The following DCHS2 variants were observed in gnomAD, a reference collection of about 807,000 sequenced individuals.
The protein encoded by DCHS2 is dachsous cadherin-related 2, also known as protocadherin-23.
Under a neutral mutation model 182.4 loss-of-function variants are expected in DCHS2, and 142 were observed. That is an observed-to-expected ratio of 0.78 (90% CI 0.68 to 0.89). DCHS2 has a LOEUF of 0.89. DCHS2 is among the 40% of genes least tolerant of loss of function. DCHS2 has a pLI of 0.00. For synonymous variants in DCHS2, 1,740 were observed against 1,663.3 expected (o/e 1.05, Z -1.12); for missense variants, 4,319 against 4,198.6 (o/e 1.03, Z -0.79).
At position 154,332,532 on chromosome 4, in the gene DCHS2, G is replaced by A. The variant is rs141064025; in HGVS notation, c.3676C>T (p.Leu1226=). ...CCATCAGACAAAAGGAAATATAATA[G>A]CTGTCCATTCTTTCCAGAGTCCATG... ...IDMDSGKNGQ[L]LYFLLSDGKF... is the part of the protein sequence containing the mutation. The change falls in exon 5 of 20, where the codon CTA becomes TTA. Residue 1226 remains leucine (L), a synonymous_variant. Transcript: ENST00000357232. 1.0e-3 allele frequency: 1,693 copies of A among 1,614,092 alleles called. 18 individuals carry two copies. In the African/African-American group the frequency reaches 0.021, roughly 20 times the overall value.
At chr4:154,377,579 A>C in intron 1 of DCHS2, 135 bp from the exon 2 acceptor site, 2 of 614,198 alleles carry the variant, frequency 3.3e-6, no homozygotes, top group Admixed American at 3.4e-5. Context: ...TTGGTTTCAT[A>C]TCTCTCTCCT....
intron 3 of DCHS2, among the ~76,000 whole-genome samples, chr4:154,361,579 A>C (rs1730124328): frequency 6.6e-6 from 1 of 152,126 alleles, no homozygotes; most frequent in South Asian, 2.1e-4. Flanking sequence ...CACATCAAAG[A>C]AAGCCAGTGA....
chr4:154,343,794 AG>A (rs1184564653), intron 3 of DCHS2: 3 of 838,428 alleles, frequency 3.6e-6, no homozygotes, highest in Admixed American at 4.2e-5. Flanking sequence ...TGTTCACTGG[AG>A]TATACTTTTA....
rs769331415 is a variant in DCHS2 at position 154,344,739 on chromosome 4, G to T, written c.2477-9635C>A. On this transcript the variant is annotated intron_variant, in intron 3 of 19. Coordinates refer to ENST00000357232, the MANE Select transcript of DCHS2 (RefSeq NM_001358235.2). ...TGTCTTGGAGCCCTGAGGCGGTGCC[G>T]CAGGGCTAGCGTCCACAGTTCCGAG... 3.3e-5 allele frequency among the ~76,000 whole-genome samples: 5 copies of T among 152,152 alleles called. No homozygotes were observed. In the East Asian group the frequency reaches 5.8e-4, roughly 18 times the overall value.
chr4:154,353,824 A>C (rs1729731803), intron 3 of DCHS2, among the ~76,000 whole-genome samples: 1 of 152,242 alleles, frequency 6.6e-6, no homozygotes, highest in African/African-American at 2.4e-5. Flanking sequence ...GCGATTAGCC[A>C]GACATTCTGA....
intron 1 of DCHS2, among the ~76,000 whole-genome samples, chr4:154,463,163 G>A (rs201173065): frequency 5.8e-4 from 45 of 77,764 alleles, no homozygotes; most frequent in African/African-American, 1.6e-3. Flanking sequence ...ATAAGTGTGT[G>A]TATATATATA....
rs964910222 is a variant in DCHS2 at position 154,491,501 on chromosome 4, G to A, written c.-146C>T. 59 of 1,402,518 alleles carry A rather than the reference G, an allele frequency of 4.2e-5. No individual in the cohort carries two copies. Among genetic ancestry groups the A allele is most frequent in the Non-Finnish European group, 4.9e-5 (53 of 1,084,472 alleles). The allele number at this position is 1,402,518 out of a possible 1,614,324, so 86.9% of individuals were successfully genotyped here. A position where few individuals can be genotyped will look rare whatever the true frequency, so the allele number is the denominator to read the frequency against. ...AAACCGACGGCCCAGGAATTCCCGA[G>A]GTTACATCTGCAACTGGTGAAAGCG... On this transcript the variant is annotated 5_prime_UTR_variant, in exon 1 of 20. Coordinates refer to ENST00000357232, the MANE Select transcript of DCHS2 (RefSeq NM_001358235.2).
chr4:154,239,973 A>G (rs981901826), intron 18 of DCHS2, among the ~76,000 whole-genome samples: 3 of 152,160 alleles, frequency 2.0e-5, no homozygotes, highest in African/African-American at 7.2e-5. Flanking sequence ...GGGGATCATT[A>G]CTTAGGTTAC....
intron 1 of DCHS2, among the ~76,000 whole-genome samples, chr4:154,460,389 T>C (rs6819092): frequency 0.019 from 2,897 of 152,282 alleles, 81 homozygotes; most frequent in African/African-American, 0.064. Flanking sequence ...GTAAACCTCC[T>C]TAATATCACA....
intron 1 of DCHS2, among the ~76,000 whole-genome samples, chr4:154,405,229 C>A (rs1732351191): frequency 6.6e-6 from 1 of 151,968 alleles, no homozygotes; most frequent in Non-Finnish European, 1.5e-5. Context: ...CCATCCTGGG[C>A]AACAGAGCAA....
At chr4:154,373,885 A>G in intron 2 of DCHS2, 1 of 1,564,772 alleles carries the variant, frequency 6.4e-7, no homozygotes, top group Non-Finnish European at 8.7e-7. Context: ...CCAGATGTTA[A>G]AAGACTCAGA....
At chr4:154,399,615 T>A (rs988190520) in intron 1 of DCHS2, among the ~76,000 whole-genome samples, 2 of 152,144 alleles carry the variant, frequency 1.3e-5, no homozygotes, top group East Asian at 3.8e-4. Flanking sequence ...CAAGTGAACA[T>A]CATCTTGTTT....
intron 13 of DCHS2, among the ~76,000 whole-genome samples, chr4:154,281,021 T>C (rs1487191223): frequency 6.6e-6 from 1 of 152,078 alleles, no homozygotes; most frequent in African/African-American, 2.4e-5. Context: ...GAGACAATGT[T>C]TCACCATGTT....
At chr4:154,322,629 A>G (rs1736110523) in intron 7 of DCHS2, 141 bp from the exon 8 acceptor site, 2 of 1,135,362 alleles carry the variant, frequency 1.8e-6, no homozygotes, top group Non-Finnish European at 1.2e-6. Flanking sequence ...ATGACACTAA[A>G]AATAGACAAG....
At chr4:154,300,473 A>G (rs769041488) in intron 12 of DCHS2, among the ~76,000 whole-genome samples, 8 of 146,234 alleles carry the variant, frequency 5.5e-5, no homozygotes, top group Non-Finnish European at 8.9e-5. Flanking sequence ...CAGGAATTTG[A>G]GTCCAGCCTG....
At chr4:154,349,640 T>G (rs930124664) in intron 3 of DCHS2, among the ~76,000 whole-genome samples, 1 of 152,212 alleles carries the variant, frequency 6.6e-6, no homozygotes, top group Non-Finnish European at 1.5e-5. Flanking sequence ...AACCTTTGTT[T>G]CTATTATTAC....
In DCHS2 at chr4:154,489,417, A is replaced by T; in HGVS notation, c.1939T>A (p.Cys647Ser). 1 of 1,551,776 alleles carries T rather than the reference A, an allele frequency of 6.4e-7. No individual in the cohort carries two copies. The highest frequency in any genetic ancestry group is 8.7e-7 in the Non-Finnish European group (1 of 1,147,012). Residue 647 changes from cysteine (C) to serine (S), a missense_variant, in exon 1 of 20, where the codon TGC (cysteine) becomes AGC (serine). Coordinates refer to ENST00000357232, the MANE Select transcript of DCHS2 (RefSeq NM_001358235.2). ...TCATCTACGGTGATGCTCACCAGGC[A>T]GGTGGCAGAGAGTGGGGGCTCTCCG... is the stretch of plus-strand genomic sequence containing the variant. ...DLGEPPLSATCLVSITVDDVN... is the reference protein window; with the variant it reads ...DLGEPPLSATSLVSITVDDVN...
At chr4:154,460,669 C>G (rs1212636205) in intron 1 of DCHS2, among the ~76,000 whole-genome samples, 1 of 152,112 alleles carries the variant, frequency 6.6e-6, no homozygotes, top group African/African-American at 2.4e-5. Flanking sequence ...TTGTCAGAAA[C>G]TTGTGCTTCT....
Position 154,472,779 on chromosome 4 carries a change from A to G in DCHS2, c.2052+16525T>C, listed in dbSNP as rs1403971145. Among the ~76,000 whole-genome samples the G allele has an allele frequency of 6.6e-5, 10 of 151,744 alleles. No homozygotes were observed. The South Asian group carries it at 2.1e-3, about 32-fold the overall frequency. ...CCCACAATACACAAACACACACACAAACACCCACACATACACATTCACATA... is the reference window on the plus strand; with the variant it reads ...CCCACAATACACAAACACACACACAGACACCCACACATACACATTCACATA... On this transcript the variant is annotated intron_variant, in intron 1 of 19. Transcript: ENST00000357232.
Sources: allele counts gnomAD v4.1 joint callset (sites outside exome capture counted in the v4.1 genomes callset), GRCh38; gene constraint gnomAD v4.1.1; transcripts MANE v1.5; gene names NCBI Gene and HGNC (gene_info 2026-07-23, HGNC 2026-07-21).